The following IMMP2L variants were observed in gnomAD, a reference collection of about 807,000 sequenced individuals.
IMMP2L encodes the protein mitochondrial inner membrane protease subunit 2.
A neutral mutation model predicts 19.3 loss-of-function variants in IMMP2L; 18 were observed. That is an observed-to-expected ratio of 0.93 (90% CI 0.64 to 1.38). The LOEUF is 1.38. IMMP2L is among the 40% of genes most tolerant of loss of function. The pLI is 0.00. For synonymous variants in IMMP2L, 76 were observed against 73.0 expected (o/e 1.04, Z -0.21); for missense variants, 233 against 218.2 (o/e 1.07, Z -0.43).
chr7:110,995,618 T>C (rs759882352), intron 3 of IMMP2L, among the ~76,000 whole-genome samples: 1 of 152,162 alleles, frequency 6.6e-6, no homozygotes, highest in Non-Finnish European at 1.5e-5. Context: ...TGTATTTCAG[T>C]TCTTTCTGGT....
intron 3 of IMMP2L, among the ~76,000 whole-genome samples, chr7:111,409,815 T>C (rs1584990263): frequency 6.6e-6 from 1 of 151,680 alleles, no homozygotes; most frequent in East Asian, 1.9e-4. Flanking sequence ...TATAAAGCTA[T>C]TTCAGATAGT....
intron 3 of IMMP2L, among the ~76,000 whole-genome samples, chr7:111,362,584 T>C (rs887024600): frequency 9.2e-5 from 14 of 152,132 alleles, no homozygotes; most frequent in African/African-American, 3.1e-4. Flanking sequence ...CAAAATCACA[T>C]AGCTTATTAA....
chr7:111,260,154 T>C (rs908772667), intron 3 of IMMP2L, among the ~76,000 whole-genome samples: 3 of 152,206 alleles, frequency 2.0e-5, no homozygotes, highest in Non-Finnish European at 2.9e-5. Flanking sequence ...AACAGTTATT[T>C]GTTATCATGA....
chr7:110,984,308 C>A (rs1234085918), intron 3 of IMMP2L, among the ~76,000 whole-genome samples: 1 of 151,114 alleles, frequency 6.6e-6, no homozygotes, highest in Non-Finnish European at 1.5e-5. Flanking sequence ...AAAAAACCAC[C>A]TAGATTTTTA....
chr7:110,938,571 G>A (rs1054442102), intron 4 of IMMP2L, among the ~76,000 whole-genome samples: 1 of 152,098 alleles, frequency 6.6e-6, no homozygotes, highest in African/African-American at 2.4e-5. Context: ...TACAGCTTAT[G>A]CATTTGAATA....
At chr7:110,694,275 T>C (rs1336801735) in intron 5 of IMMP2L, among the ~76,000 whole-genome samples, 1 of 152,156 alleles carries the variant, frequency 6.6e-6, no homozygotes, top group African/African-American at 2.4e-5. Context: ...TGACTTATGA[T>C]CTTAGAACAA....
chr7:111,553,729 T>C (rs1790938178), intron 1 of IMMP2L, among the ~76,000 whole-genome samples: 2 of 152,150 alleles, frequency 1.3e-5, no homozygotes, highest in African/African-American at 4.8e-5. Context: ...TACACAAATG[T>C]AGTAAAATAT....
chr7:111,444,776 G>T (rs1024278816), intron 3 of IMMP2L, among the ~76,000 whole-genome samples: 2 of 152,028 alleles, frequency 1.3e-5, no homozygotes, highest in Non-Finnish European at 2.9e-5. Context: ...GAGCAAAAAT[G>T]ATAAGCAAGA....
At chr7:111,039,688 A>C (rs1791699175) in intron 3 of IMMP2L, among the ~76,000 whole-genome samples, 1 of 152,186 alleles carries the variant, frequency 6.6e-6, no homozygotes, top group Admixed American at 6.5e-5. Context: ...GTCCAGTTTT[A>C]CTGCATTAAT....
intron 3 of IMMP2L, among the ~76,000 whole-genome samples, chr7:110,977,854 T>C (rs1820864189): frequency 6.6e-6 from 1 of 152,096 alleles, no homozygotes; most frequent in African/African-American, 2.4e-5. Context: ...GACAATTTTT[T>C]GCATTAGTTT....
intron 5 of IMMP2L, among the ~76,000 whole-genome samples, chr7:110,880,029 T>C (rs778137054): frequency 6.6e-6 from 1 of 152,166 alleles, no homozygotes; most frequent in Non-Finnish European, 1.5e-5. Flanking sequence ...AAATAACTTC[T>C]ATTTAATGGG....
At chr7:110,833,792 G>T (rs1804186553) in intron 5 of IMMP2L, among the ~76,000 whole-genome samples, 1 of 152,044 alleles carries the variant, frequency 6.6e-6, no homozygotes, top group Admixed American at 6.6e-5. Context: ...GTTTTATTTA[G>T]TCAGTGAAAA....
intron 3 of IMMP2L, among the ~76,000 whole-genome samples, chr7:111,071,367 C>A (rs1466214385): frequency 2.0e-5 from 3 of 152,018 alleles, no homozygotes; most frequent in African/African-American, 7.2e-5. Context: ...ACCATATAAG[C>A]CAGTAATTCC....
At chr7:111,230,179 T>C (rs1477153695) in intron 3 of IMMP2L, among the ~76,000 whole-genome samples, 1 of 152,060 alleles carries the variant, frequency 6.6e-6, no homozygotes, top group Non-Finnish European at 1.5e-5. Context: ...CTAGGGCATT[T>C]GTTTTAATCA....
intron 4 of IMMP2L, among the ~76,000 whole-genome samples, chr7:110,921,231 G>A (rs752928931): frequency 1.6e-4 from 24 of 152,084 alleles, no homozygotes; most frequent in Non-Finnish European, 2.8e-4. Context: ...ATTTTTTCAC[G>A]ATTCAATTCT....
intron 3 of IMMP2L, among the ~76,000 whole-genome samples, chr7:111,330,906 T>C (rs915111757): frequency 7.9e-5 from 12 of 151,902 alleles, no homozygotes; most frequent in Non-Finnish European, 1.6e-4. Flanking sequence ...AGAATGGCTA[T>C]TATCAAAAAG....
At chr7:111,290,792 C>G (rs1454821724) in intron 3 of IMMP2L, among the ~76,000 whole-genome samples, 2 of 149,228 alleles carry the variant, frequency 1.3e-5, no homozygotes, top group Non-Finnish European at 1.5e-5. Context: ...CTCTGTCTCT[C>G]TTTCTCTCTC....
At chr7:111,184,705 G>A (rs1795771347) in intron 3 of IMMP2L, among the ~76,000 whole-genome samples, 1 of 151,980 alleles carries the variant, frequency 6.6e-6, no homozygotes, top group Non-Finnish European at 1.5e-5. Context: ...ACCTACAGCA[G>A]ACCCCAGACA....
At chr7:111,202,092 G>T (rs990629361) in intron 3 of IMMP2L, among the ~76,000 whole-genome samples, 8 of 152,118 alleles carry the variant, frequency 5.3e-5, no homozygotes, top group African/African-American at 1.9e-4. Context: ...TGACTAAACA[G>T]GTTCCTAGTG....
Sources: allele counts gnomAD v4.1 joint callset (sites outside exome capture counted in the v4.1 genomes callset), GRCh38; gene constraint gnomAD v4.1.1; transcripts MANE v1.5; gene names NCBI Gene and HGNC (gene_info 2026-07-23, HGNC 2026-07-21).